Variants in GALNT17 observed in about 807,000 individuals in gnomAD.
The protein encoded by GALNT17 is polypeptide N-acetylgalactosaminyltransferase 17.
GALNT17 carries 29 observed loss-of-function variants against 63.7 expected under a neutral mutation model. The ratio of observed to expected loss-of-function variants is 0.46; its 90% CI spans 0.34 to 0.62. GALNT17 has a LOEUF of 0.62. Ranked by LOEUF, GALNT17 falls within the 20% of genes least tolerant of loss-of-function variation. The probability of loss-of-function intolerance (pLI) is 0.01; values close to 1 mark genes in which losing one functional copy is unlikely to be tolerated. For missense variants in GALNT17, 603 were observed against 799.6 expected (o/e 0.75, Z 2.97); for synonymous variants, 305 against 318.3 (o/e 0.96, Z 0.45).
chr7:71,681,181 G>A (rs899909816), intron 9 of GALNT17, among the ~76,000 whole-genome samples: 5 of 152,148 alleles, frequency 3.3e-5, no homozygotes, highest in Admixed American at 6.6e-5. Context: ...GATTACAGGC[G>A]TGAGCCTCAG....
intron 5 of GALNT17, among the ~76,000 whole-genome samples, chr7:71,508,897 C>T (rs1424809342): frequency 6.6e-6 from 1 of 152,098 alleles, no homozygotes; most frequent in Non-Finnish European, 1.5e-5. Context: ...ACCCTGGACA[C>T]GTTCTTGTGC....
intron 3 of GALNT17, among the ~76,000 whole-genome samples, chr7:71,407,131 A>G (rs1793342213): frequency 6.6e-6 from 1 of 152,162 alleles, no homozygotes; most frequent in Non-Finnish European, 1.5e-5. Flanking sequence ...GGGTATGGTC[A>G]CCATGCAGGG....
At chr7:71,304,318 T>G (rs989585896) in intron 1 of GALNT17, among the ~76,000 whole-genome samples, 5 of 152,198 alleles carry the variant, frequency 3.3e-5, no homozygotes, top group African/African-American at 1.2e-4. Flanking sequence ...GAAACGGCGT[T>G]CAGAGGTGGA....
intron 1 of GALNT17, among the ~76,000 whole-genome samples, chr7:71,141,677 TTC>T (rs1488042298): frequency 7.2e-6 from 1 of 139,346 alleles, no homozygotes; most frequent in African/African-American, 2.9e-5. Flanking sequence ...CTTTCTTTCT[TTC>T]TTTTTTTTTT....
chr7:71,421,860 G>T (rs905423539), intron 5 of GALNT17, among the ~76,000 whole-genome samples: 1 of 150,938 alleles, frequency 6.6e-6, no homozygotes, highest in Non-Finnish European at 1.5e-5. Flanking sequence ...TGAGACAGGA[G>T]AATCACTTGA....
chr7:71,380,222 C>T (rs1356771218), intron 2 of GALNT17, among the ~76,000 whole-genome samples: 2 of 151,220 alleles, frequency 1.3e-5, no homozygotes, highest in Non-Finnish European at 2.9e-5. Context: ...CTGGGTGAAG[C>T]GAGGAATGAA....
intron 1 of GALNT17, among the ~76,000 whole-genome samples, chr7:71,304,069 A>G (rs548995369): frequency 1.1e-4 from 17 of 152,220 alleles, no homozygotes; most frequent in African/African-American, 3.9e-4. Context: ...TTTTCACTCT[A>G]ATTTCTGCTC....
intron 6 of GALNT17, among the ~76,000 whole-genome samples, chr7:71,610,113 C>T (rs536079680): frequency 9.7e-4 from 148 of 151,970 alleles, no homozygotes; most frequent in African/African-American, 3.4e-3. Context: ...CCTTATTCTC[C>T]GATCACAATA....
In GALNT17 at chr7:71,509,662, G is replaced by A. The variant is rs755836470; in HGVS notation, c.963-61623G>A. 2.7e-3 allele frequency among the ~76,000 whole-genome samples: 414 copies of A among 152,284 alleles called. 2 individuals are homozygous for A. The highest frequency in any genetic ancestry group is 2.9e-3 in the Non-Finnish European group (197 of 68,034). ...GTATCTTTTTTGGGATGCTCCCAAA[G>A]AGCCTGAGGCTAGGATCTGGGCATG... On this transcript the variant is annotated intron_variant, in intron 5 of 10. Coordinates refer to ENST00000333538, the MANE Select transcript of GALNT17 (RefSeq NM_022479.3).
chr7:71,467,000 C>T (rs796405371), intron 5 of GALNT17, among the ~76,000 whole-genome samples: 1 of 151,900 alleles, frequency 6.6e-6, no homozygotes, highest in Non-Finnish European at 1.5e-5. Context: ...TGGCCCTTAA[C>T]CTGGGCAAAA....
intron 1 of GALNT17, among the ~76,000 whole-genome samples, chr7:71,192,725 T>G (rs73361800): frequency 0.13 from 19,811 of 152,086 alleles, 1,601 homozygotes; most frequent in African/African-American, 0.22. Flanking sequence ...GCCAAATAAA[T>G]TTAGAAAATC....
chr7:71,226,872 T>A (rs547189171), intron 1 of GALNT17, among the ~76,000 whole-genome samples: 17 of 152,060 alleles, frequency 1.1e-4, no homozygotes, highest in Non-Finnish European at 1.9e-4. Context: ...TGGGTCTCCT[T>A]TGGAAAAGAA....
chr7:71,524,186 A>G (rs893314366), intron 5 of GALNT17, among the ~76,000 whole-genome samples: 2 of 149,566 alleles, frequency 1.3e-5, no homozygotes, highest in South Asian at 4.2e-4. Context: ...TTCTATTACT[A>G]TTAACTAGTA....
chr7:71,217,145 G>GTTTTT (rs1197080765), intron 1 of GALNT17, among the ~76,000 whole-genome samples: 16 of 122,668 alleles, frequency 1.3e-4, no homozygotes, highest in South Asian at 2.4e-4. Context: ...TTCGTGTTTT[G>GTTTTT]TTTTTTTTTT....
At chr7:71,495,723 C>A (rs1788083537) in intron 5 of GALNT17, among the ~76,000 whole-genome samples, 1 of 152,166 alleles carries the variant, frequency 6.6e-6, no homozygotes, top group Non-Finnish European at 1.5e-5. Context: ...AGAGGCTGAT[C>A]ATTCCTCTGC....
chr7:71,569,166 T>G (rs1789396543), intron 5 of GALNT17, among the ~76,000 whole-genome samples: 1 of 152,118 alleles, frequency 6.6e-6, no homozygotes, highest in East Asian at 1.9e-4. Flanking sequence ...GAGACGGGGT[T>G]TCACCATGTT....
chr7:71,307,225 T>C lies in GALNT17; in HGVS notation c.239-28325T>C, dbSNP rs371866620. On this transcript the variant is annotated intron_variant, in intron 1 of 10. Coordinates refer to ENST00000333538, the MANE Select transcript of GALNT17 (RefSeq NM_022479.3). Reference sequence around the variant, plus strand: ...TGCAGAACCGCCATACTGTTTTCCATAGGGGTTGCAGCATTTTGCATTCCC... The same window carrying C: ...TGCAGAACCGCCATACTGTTTTCCACAGGGGTTGCAGCATTTTGCATTCCC... Among the ~76,000 whole-genome samples the C allele has an allele frequency of 1.8e-4, 27 of 152,266 alleles. No individual in the cohort carries two copies. In the East Asian group the frequency reaches 3.3e-3, roughly 19 times the overall value.
intron 6 of GALNT17, among the ~76,000 whole-genome samples, chr7:71,649,811 A>G (rs1416137366): frequency 2.0e-5 from 3 of 152,224 alleles, no homozygotes; most frequent in Admixed American, 2.0e-4. Context: ...ATGTCTAACC[A>G]TAATTCTGCC....
At chr7:71,459,941 C>G (rs1298749817) in intron 5 of GALNT17, among the ~76,000 whole-genome samples, 3 of 152,166 alleles carry the variant, frequency 2.0e-5, no homozygotes, top group Non-Finnish European at 4.4e-5. Context: ...CACACTCAAC[C>G]AGTTGTCAAC....
Sources: gnomAD v4.1 joint callset for allele counts (sites outside exome capture counted in the v4.1 genomes callset) on GRCh38, gnomAD v4.1.1 for gene constraint, MANE v1.5 for transcripts, NCBI Gene and HGNC (gene_info 2026-07-23, HGNC 2026-07-21) for gene names.